ANO3: variants seen among roughly 807,000 people sequenced by gnomAD.
The protein encoded by ANO3 is anoctamin 3.
ANO3 carries 99 observed loss-of-function variants against 144.8 expected under a neutral mutation model. The ratio of observed to expected loss-of-function variants is 0.68; its 90% confidence interval spans 0.58 to 0.81. The LOEUF is 0.81. Ranked by LOEUF, ANO3 falls within the 30% of genes least tolerant of loss-of-function variation. ANO3 has a pLI of 0.00. For missense variants in ANO3, 905 were observed against 1,202.2 expected, an observed-to-expected ratio of 0.75 and a Z score of 3.66; for synonymous variants, 414 against 392.6, an observed-to-expected ratio of 1.05 and a Z score of -0.64.
At chr11:26,244,131 A>AG (rs1280084665) in intron 1 of ANO3, among the ~76,000 whole-genome samples, 2 of 138,046 alleles carry the variant, frequency 1.4e-5, no homozygotes, top group East Asian at 4.0e-4. Flanking sequence ...AAAAAAAAAA[A>AG]GAAAAGAAAA....
At chr11:26,460,733 A>G (rs7111512) in intron 3 of ANO3, among the ~76,000 whole-genome samples, 106,187 of 151,814 alleles carry the variant, frequency 0.7, 38,318 homozygotes, top group Admixed American at 0.81. Flanking sequence ...TCTGCCTAGA[A>G]AACTAAATTG....
At chr11:26,406,103 A>G (rs117575440) in intron 1 of ANO3, among the ~76,000 whole-genome samples, 160 of 152,028 alleles carry the variant, frequency 1.1e-3, no homozygotes, top group Non-Finnish European at 2.0e-3. Flanking sequence ...ATAACAGAAT[A>G]TCACAGAATG....
intron 14 of ANO3, among the ~76,000 whole-genome samples, chr11:26,596,940 A>G (rs1481458532): frequency 6.6e-6 from 1 of 152,200 alleles, no homozygotes; most frequent in Non-Finnish European, 1.5e-5. Flanking sequence ...GGCAGAACAA[A>G]GCTCCCAACA....
At chr11:26,476,756 A>G (rs549187663) in intron 4 of ANO3, among the ~76,000 whole-genome samples, 12 of 152,214 alleles carry the variant, frequency 7.9e-5, no homozygotes, top group African/African-American at 2.9e-4. Flanking sequence ...ACAGTTTCCC[A>G]TATCAGAATG....
chr11:26,208,512 C>CAAAAA lies in ANO3; in HGVS notation c.154+19193_154+19197dup, dbSNP rs67196052. Among the ~76,000 whole-genome samples, 24 of 121,752 alleles carry CAAAAA rather than the reference C, an allele frequency of 2.0e-4. 1 individual carries two copies. Among genetic ancestry groups the CAAAAA allele is most frequent in the African/African-American group, 7.9e-4 (23 of 29,100 alleles). 79.9% of individuals were successfully genotyped at this position (121,752 alleles called of 152,430 possible). A position where few individuals can be genotyped will look rare whatever the true frequency, so the allele number is the denominator to read the frequency against. The stretch of plus-strand genomic sequence containing the variant: ...TGGGTGACAGAGCAAGACTCCGTCT[C>CAAAAA]AAAAAAAAAAAAAAAGGAATTGCAG... On this transcript the variant is annotated intron_variant, in intron 1 of 27. Coordinates refer to the ANO3 transcript ENST00000672621.
chr11:26,322,181 A>C (rs1854775659), intron 1 of ANO3, among the ~76,000 whole-genome samples: 1 of 152,014 alleles, frequency 6.6e-6, no homozygotes, highest in South Asian at 2.1e-4. Context: ...TATTACTTGT[A>C]CTTGAATATA....
chr11:26,549,943 C>T (rs1189781704), intron 12 of ANO3, among the ~76,000 whole-genome samples: 1 of 151,862 alleles, frequency 6.6e-6, no homozygotes, highest in African/African-American at 2.4e-5. Context: ...TCTCTTGACA[C>T]TGTCCTTAGC....
intron 1 of ANO3, among the ~76,000 whole-genome samples, chr11:26,373,901 G>C (rs186706656): frequency 1.1e-3 from 163 of 152,258 alleles, no homozygotes; most frequent in Non-Finnish European, 2.0e-3. Context: ...TTCCAAAAAA[G>C]ATGATTGAAT....
intron 4 of ANO3, among the ~76,000 whole-genome samples, chr11:26,474,848 C>A (rs1158246982): frequency 6.6e-6 from 1 of 151,638 alleles, no homozygotes; most frequent in Non-Finnish European, 1.5e-5. Flanking sequence ...TAAATGATTT[C>A]TTATATAATA....
chr11:26,596,175 TTCTCTTTC>T (rs1380939954), intron 14 of ANO3, among the ~76,000 whole-genome samples: 1 of 120,304 alleles, frequency 8.3e-6, no homozygotes, highest in African/African-American at 2.7e-5. Flanking sequence ...ATTTCTATCT[TTCTCTTTC>T]TCTCTTTCTT....
intron 1 of ANO3, chr11:26,287,572 T>C (rs1003693090): frequency 5.3e-5 from 8 of 152,102 alleles, no homozygotes; most frequent in African/African-American, 1.7e-4. Context: ...ATAACAAAAA[T>C]ATATGATAAG....
intron 1 of ANO3, among the ~76,000 whole-genome samples, chr11:26,231,615 T>A (rs1251340959): frequency 1.3e-5 from 2 of 152,180 alleles, no homozygotes; most frequent in Non-Finnish European, 2.9e-5. Flanking sequence ...GAATTCAACC[T>A]CTGGGGTTTC....
At chr11:26,241,059 T>C (rs146376656) in intron 1 of ANO3, among the ~76,000 whole-genome samples, 2,378 of 152,254 alleles carry the variant, frequency 0.016, 63 homozygotes, top group African/African-American at 0.054. Flanking sequence ...TCCTGTGCTG[T>C]TCTCGTGATA....
chr11:26,294,516 T>C (rs1468777864), intron 1 of ANO3, among the ~76,000 whole-genome samples: 1 of 152,214 alleles, frequency 6.6e-6, no homozygotes, highest in African/African-American at 2.4e-5. Context: ...CTATTCTAGA[T>C]ATCATGATTG....
chr11:26,522,510 A>T (rs866345926), intron 6 of ANO3, among the ~76,000 whole-genome samples: 44 of 152,294 alleles, frequency 2.9e-4, no homozygotes, highest in Admixed American at 7.2e-4. Flanking sequence ...CAGCCTTGAC[A>T]CAAGGTATAA....
intron 1 of ANO3, among the ~76,000 whole-genome samples, chr11:26,219,209 G>A (rs1285645555): frequency 6.6e-6 from 1 of 152,140 alleles, no homozygotes; most frequent in East Asian, 1.9e-4. Flanking sequence ...AATTGCCCTG[G>A]GTTGAGAACT....
At chr11:26,560,257 C>T (rs1376345001) in intron 14 of ANO3, 2 of 153,020 alleles carry the variant, frequency 1.3e-5, no homozygotes, top group African/African-American at 4.8e-5. Context: ...CAACTTAAAA[C>T]TGTACAAATT....
chr11:26,258,930 T>A (rs898537924), intron 1 of ANO3, among the ~76,000 whole-genome samples: 1 of 152,216 alleles, frequency 6.6e-6, no homozygotes, highest in African/African-American at 2.4e-5. Flanking sequence ...ACTACAGATA[T>A]CTCAACAACA....
At chr11:26,553,431 A>G in intron 13 of ANO3, 86 bp downstream of exon 13, 6 of 846,976 alleles carry the variant, frequency 7.1e-6, no homozygotes, top group Non-Finnish European at 1.1e-5. Flanking sequence ...CTTTTTACCA[A>G]AGTTAAGTGT....
Sources: allele counts gnomAD v4.1 joint callset (sites outside exome capture counted in the v4.1 genomes callset), GRCh38; gene constraint gnomAD v4.1.1; transcripts MANE v1.5; gene names NCBI Gene and HGNC (gene_info 2026-07-23, HGNC 2026-07-21).